The following TTC9 variants were observed in gnomAD, a reference collection of about 807,000 sequenced individuals.
The protein encoded by TTC9 is tetratricopeptide repeat domain 9, also known as tetratricopeptide repeat protein 9A.
Under a neutral mutation model 22.9 loss-of-function variants are expected in TTC9, and 13 were observed. The ratio of observed to expected loss-of-function variants is 0.57; its 90% CI spans 0.37 to 0.90. The LOEUF (loss-of-function observed/expected upper bound fraction) is 0.90. TTC9 is among the 40% of genes least tolerant of loss of function. The pLI is 0.01. For missense variants in TTC9, 280 were observed against 291.8 expected (o/e 0.96, Z 0.29); for synonymous variants, 148 against 133.2 (o/e 1.11, Z -0.77).
chr14:70,652,125 A>G (rs1466614727), intron 1 of TTC9, among the ~76,000 whole-genome samples: 2 of 152,176 alleles, frequency 1.3e-5, no homozygotes, highest in Non-Finnish European at 2.9e-5. Context: ...GCTTTCTTTC[A>G]GAAGCATTGA....
chr14:70,660,390 A>G (rs61980473), intron 1 of TTC9, among the ~76,000 whole-genome samples: 35,265 of 152,202 alleles, frequency 0.23, 4,358 homozygotes, highest in Admixed American at 0.3. Flanking sequence ...TGTACCACAT[A>G]TTGTATATAG....
At chr14:70,656,474 G>A (rs796408223) in intron 1 of TTC9, among the ~76,000 whole-genome samples, 5 of 152,252 alleles carry the variant, frequency 3.3e-5, no homozygotes, top group East Asian at 1.9e-4. Context: ...TGCCAAAGAC[G>A]TGCTCTTTCC....
intron 1 of TTC9, 47 bp from the exon 2 acceptor site, chr14:70,667,517 G>A: frequency 6.2e-7 from 1 of 1,604,950 alleles, no homozygotes; most frequent in Non-Finnish European, 8.5e-7. Flanking sequence ...AACATGCAGA[G>A]CTGGCCACTG....
chr14:70,642,658 C>G (rs1339771445), intron 1 of TTC9, 123 bp downstream of exon 1: 2 of 956,550 alleles, frequency 2.1e-6, no homozygotes, highest in African/African-American at 1.7e-5. Context: ...TGGGGAGAAC[C>G]CGGGAGGGAG....
chr14:70,672,311 G>C lies in TTC9; in HGVS notation c.*1156G>C, dbSNP rs938527626. Reference sequence around the variant, plus strand: ...AGCACATAGAATGTGTTCAACAAATGCTTGTTGAATGAATAAATTATGACT... The same window carrying C: ...AGCACATAGAATGTGTTCAACAAATCCTTGTTGAATGAATAAATTATGACT... On this transcript the variant is annotated 3_prime_UTR_variant, in exon 3 of 3. Transcript: ENST00000256367. The C allele has an allele frequency of 1.3e-5, 2 of 152,242 alleles. No individual in the cohort carries two copies. Among genetic ancestry groups the C allele is most frequent in the Admixed American group, 6.5e-5 (1 of 15,284 alleles). 9.4% of individuals were successfully genotyped at this position (152,242 alleles called of 1,614,324 possible).
chr14:70,646,009 A>T (rs1393445549), intron 1 of TTC9, among the ~76,000 whole-genome samples: 1 of 152,244 alleles, frequency 6.6e-6, no homozygotes, highest in Admixed American at 6.5e-5. Context: ...GAATAGCAAG[A>T]GGACAGCTAG....
chr14:70,642,119 G>A lies in TTC9; in HGVS notation c.-11G>A. On this transcript the variant is annotated 5_prime_UTR_variant, in exon 1 of 3. Coordinates refer to ENST00000256367, the MANE Select transcript of TTC9 (RefSeq NM_015351.2). ...ATCGCGGCGCGCACCAGGCGCCGGG[G>A]CGGCGGCCGAATGGAGAGAAAGGGC... is the stretch of plus-strand genomic sequence containing the variant. 1 of 1,114,746 alleles carries A rather than the reference G, an allele frequency of 9.0e-7. No homozygotes were observed. The highest frequency in any genetic ancestry group is 1.1e-6 in the Non-Finnish European group (1 of 912,852). 69.1% of individuals were successfully genotyped at this position (1,114,746 alleles called of 1,614,324 possible). A position where few individuals can be genotyped will look rare whatever the true frequency, so the allele number is the denominator to read the frequency against.
Position 70,642,187 on chromosome 14 carries a change from G to C in TTC9, c.58G>C (p.Gly20Arg). The C allele has an allele frequency of 8.2e-7, 1 of 1,219,602 alleles. No individual in the cohort carries two copies. The highest frequency in any genetic ancestry group is 3.3e-4 in the Middle Eastern group (1 of 3,044). 75.5% of individuals were successfully genotyped at this position (1,219,602 alleles called of 1,614,324 possible). The change falls in exon 1 of 3, where the codon GGA becomes CGA. Residue 20 changes from glycine to arginine, a missense_variant. By Grantham distance (125) the Gly-to-Arg change is moderately radical. Around this residue, in one of 5 missense-constraint regions of TTC9, gnomAD observed 49 missense variants for 39.8 expected, o/e 1.23. Transcript: ENST00000256367. ...AKGNPSPPAA[G>R]EGQRPPPPLC... is the part of the protein sequence containing the mutation. Reference sequence around the variant, plus strand: ...GGGGAACCCGAGCCCGCCCGCGGCCGGAGAGGGGCAGCGGCCACCGCCGCC... The same window carrying C: ...GGGGAACCCGAGCCCGCCCGCGGCCCGAGAGGGGCAGCGGCCACCGCCGCC...
In TTC9 at chr14:70,642,015, C is replaced by G; in HGVS notation, c.-115C>G. The G allele has an allele frequency of 2.9e-6, 2 of 695,800 alleles. No individual in the cohort carries two copies. The highest frequency in any genetic ancestry group is 3.6e-6 in the Non-Finnish European group (2 of 562,384). 43.1% of individuals were successfully genotyped at this position (695,800 alleles called of 1,614,324 possible). A position where few individuals can be genotyped will look rare whatever the true frequency, so the allele number is the denominator to read the frequency against. On this transcript the variant is annotated 5_prime_UTR_variant, in exon 1 of 3. Transcript: ENST00000256367. The stretch of plus-strand genomic sequence containing the variant: ...CCGCCGCGGGGTGTCACGGCCGCCA[C>G]GAAGCCTGCGAGGCGCGGGGCCGGC...
chr14:70,642,978 T>C (rs1885847343), intron 1 of TTC9, among the ~76,000 whole-genome samples: 1 of 152,224 alleles, frequency 6.6e-6, no homozygotes, highest in African/African-American at 2.4e-5. Context: ...CCTCGCCTTT[T>C]CCCCAACTAA....
At chr14:70,642,845 G>T (rs1162014769) in intron 1 of TTC9, among the ~76,000 whole-genome samples, 5 of 152,226 alleles carry the variant, frequency 3.3e-5, no homozygotes, top group Admixed American at 1.3e-4. Flanking sequence ...TCCAAAATGC[G>T]GAAGCAGCGC....
At position 70,642,427 on chromosome 14, in the gene TTC9, G is replaced by A. The variant is rs1415409158; in HGVS notation, c.298G>A (p.Asp100Asn). ...GCCGCCCCCCGGGGAACGGGAGCGG[G>A]ACTCGCGCCCGGCCTCCCCGGCTGG... ...LLPPPGERER[D>N]SRPASPAGAL... Residue 100 changes from aspartate to asparagine, a missense_variant, in exon 1 of 3, where the codon GAC (aspartate) becomes AAC (asparagine). Asp to Asn is a conservative substitution (Grantham distance 23). Around this residue, in one of 5 missense-constraint regions of TTC9, gnomAD observed 165 missense variants for 145.4 expected, o/e 1.14. Transcript: ENST00000256367. 2 of 1,583,808 alleles carry A rather than the reference G, an allele frequency of 1.3e-6. No individual in the cohort carries two copies. Among genetic ancestry groups the A allele is most frequent in the Admixed American group, 1.8e-5 (1 of 56,340 alleles).
At chr14:70,661,279 AT>A (rs1365676325) in intron 1 of TTC9, among the ~76,000 whole-genome samples, 1 of 152,182 alleles carries the variant, frequency 6.6e-6, no homozygotes, top group Non-Finnish European at 1.5e-5. Context: ...TAACTATTTC[AT>A]TTTAACTTGA....
In TTC9 at chr14:70,667,865, G is replaced by A; in HGVS notation, c.589+119G>A. 8 of 970,062 alleles carry A rather than the reference G, an allele frequency of 8.2e-6. No individual in the cohort carries two copies. The South Asian group carries it at 9.7e-5, about 12-fold the overall frequency. The allele number at this position is 970,062 out of a possible 1,614,324, so 60.1% of individuals were successfully genotyped here. On this transcript the variant is annotated intron_variant, in intron 2 of 2. Coordinates refer to ENST00000256367, the MANE Select transcript of TTC9 (RefSeq NM_015351.2). ...GGCAGGGACAGAGATGGCAAAATTAGGGATCAGATATATATGATAAGACCT... is the reference window on the plus strand; with the variant it reads ...GGCAGGGACAGAGATGGCAAAATTAAGGATCAGATATATATGATAAGACCT...
intron 1 of TTC9, among the ~76,000 whole-genome samples, chr14:70,645,415 C>G (rs189185414): frequency 3.9e-5 from 6 of 152,304 alleles, no homozygotes; most frequent in Admixed American, 2.0e-4. Context: ...GTTTACAAAG[C>G]TGAGGTCCTC....
At chr14:70,652,089 TG>T (rs1885992897) in intron 1 of TTC9, among the ~76,000 whole-genome samples, 1 of 152,206 alleles carries the variant, frequency 6.6e-6, no homozygotes, top group South Asian at 2.1e-4. Flanking sequence ...CTGTAAACAC[TG>T]GGGGTTAGAT....
chr14:70,646,092 A>G (rs1234376644), intron 1 of TTC9, among the ~76,000 whole-genome samples: 1 of 152,190 alleles, frequency 6.6e-6, no homozygotes, highest in Non-Finnish European at 1.5e-5. Context: ...TGTGCAGGCA[A>G]TTTGCAAAGG....
chr14:70,663,703 A>AG, intron 1 of TTC9, among the ~76,000 whole-genome samples: 1 of 142,742 alleles, frequency 7.0e-6, no homozygotes, highest in Admixed American at 6.9e-5. Flanking sequence ...TGTTAGCCCC[A>AG]GGTGGGTGGG....
At chr14:70,656,551 G>A (rs1176256938) in intron 1 of TTC9, among the ~76,000 whole-genome samples, 2 of 152,190 alleles carry the variant, frequency 1.3e-5, no homozygotes, top group Admixed American at 6.5e-5. Flanking sequence ...AAAGATGGTG[G>A]GAGAGGCAAT....
Sources: allele counts gnomAD v4.1 joint callset (sites outside exome capture counted in the v4.1 genomes callset), GRCh38; gene constraint gnomAD v4.1.1; regional missense constraint gnomAD v4.1.1; transcripts MANE v1.5; gene names NCBI Gene and HGNC (gene_info 2026-07-23, HGNC 2026-07-21).